The following MAD1L1 variants were observed in gnomAD, a reference collection of about 807,000 sequenced individuals.
MAD1L1 encodes the protein mitotic arrest deficient 1 like 1.
In MAD1L1, 95 loss-of-function variants were observed where a neutral mutation model predicts 96.9. The observed-to-expected ratio is 0.98, with a 90% CI of 0.83 to 1.16. The LOEUF is 1.16. MAD1L1 is among the 50% of genes most tolerant of loss of function. The pLI is 0.00. For synonymous variants in MAD1L1, 473 were observed against 396.6 expected (o/e 1.19, Z -2.29); for missense variants, 1,007 against 954.4 (o/e 1.06, Z -0.73).
chr7:2,113,137 G>A (rs1411228770), intron 11 of MAD1L1, among the ~76,000 whole-genome samples: 3 of 140,150 alleles, frequency 2.1e-5, no homozygotes, highest in African/African-American at 7.9e-5. Flanking sequence ...TCAGGAAACG[G>A]GGACGAGGGG....
At chr7:2,174,602 T>C (rs190940125) in intron 10 of MAD1L1, among the ~76,000 whole-genome samples, 18 of 152,316 alleles carry the variant, frequency 1.2e-4, no homozygotes, top group African/African-American at 4.1e-4. Flanking sequence ...TGTTTGATCT[T>C]TTTTTTCTTT....
intron 12 of MAD1L1, among the ~76,000 whole-genome samples, chr7:2,054,482 C>T (rs1784309509): frequency 6.6e-6 from 1 of 152,278 alleles, no homozygotes; most frequent in African/African-American, 2.4e-5. Context: ...AGCTCCCTCT[C>T]GGAGGGAGAG....
intron 18 of MAD1L1, chr7:1,817,449 C>G (rs1282797829): frequency 6.6e-6 from 1 of 152,256 alleles, no homozygotes; most frequent in Admixed American, 6.5e-5. Context: ...AGACACAAAA[C>G]CGGGTTTACC....
intron 11 of MAD1L1, among the ~76,000 whole-genome samples, chr7:2,071,916 CGG>C (rs1562658778): frequency 1.4e-4 from 22 of 152,306 alleles, no homozygotes; most frequent in African/African-American, 3.8e-4. Context: ...GGGGAGGGCA[CGG>C]ACGCTCTGCA....
chr7:1,959,782 A>C (rs1779875836), intron 15 of MAD1L1, among the ~76,000 whole-genome samples: 1 of 152,220 alleles, frequency 6.6e-6, no homozygotes, highest in Non-Finnish European at 1.5e-5. Flanking sequence ...CCTGCTCTAC[A>C]GAAATGTCAG....
chr7:2,100,064 TG>T (rs769657617), intron 11 of MAD1L1, among the ~76,000 whole-genome samples: 3 of 152,244 alleles, frequency 2.0e-5, no homozygotes, highest in Non-Finnish European at 4.4e-5. Flanking sequence ...CTCAGGGACA[TG>T]GGCATTTAAT....
intron 10 of MAD1L1, among the ~76,000 whole-genome samples, chr7:2,212,143 G>A (rs1171372236): frequency 6.6e-6 from 1 of 152,254 alleles, no homozygotes; most frequent in African/African-American, 2.4e-5. Flanking sequence ...CTGAGCGGCT[G>A]CTGGAGAAAG....
intron 17 of MAD1L1, among the ~76,000 whole-genome samples, chr7:1,900,316 G>A (rs1189407326): frequency 1.3e-5 from 2 of 152,234 alleles, no homozygotes; most frequent in Non-Finnish European, 2.9e-5. Context: ...AGATGTCAGG[G>A]GCTGGGAGGA....
chr7:2,209,315 G>A (rs1792768952), intron 10 of MAD1L1, among the ~76,000 whole-genome samples: 1 of 152,164 alleles, frequency 6.6e-6, no homozygotes, highest in Admixed American at 6.5e-5. Flanking sequence ...TCCAAGCCCG[G>A]GGCGAGGCCG....
intron 18 of MAD1L1, among the ~76,000 whole-genome samples, chr7:1,881,359 T>C (rs531851942): frequency 6.6e-6 from 1 of 152,226 alleles, no homozygotes; most frequent in Non-Finnish European, 1.5e-5. Flanking sequence ...CAAAAAAATT[T>C]GCAACCTCCA....
intron 12 of MAD1L1, among the ~76,000 whole-genome samples, chr7:2,055,669 CAAAAA>C (rs35707803): frequency 2.2e-4 from 20 of 90,498 alleles, no homozygotes; most frequent in Middle Eastern, 5.7e-3. Context: ...GACCCTGTCT[CAAAAA>C]AAAAAAAAAA....
At chr7:2,023,862 T>A (rs1584111067) in intron 12 of MAD1L1, among the ~76,000 whole-genome samples, 1 of 152,118 alleles carries the variant, frequency 6.6e-6, no homozygotes, top group Admixed American at 6.5e-5. Flanking sequence ...GGCAGGAGAA[T>A]CGCTTGAACC....
intron 18 of MAD1L1, among the ~76,000 whole-genome samples, chr7:1,870,179 T>C (rs1420177931): frequency 3.3e-5 from 5 of 152,072 alleles, no homozygotes; most frequent in Admixed American, 1.3e-4. Context: ...TCCGGCCTAG[T>C]TGGTGCCCAA....
At chr7:1,945,695 G>A (rs1223304019) in intron 16 of MAD1L1, among the ~76,000 whole-genome samples, 2 of 152,240 alleles carry the variant, frequency 1.3e-5, no homozygotes, top group Non-Finnish European at 2.9e-5. Context: ...GCTTTCTGGA[G>A]GAGAACGGTC....
chr7:1,851,666 C>T (rs1258885097), intron 18 of MAD1L1, among the ~76,000 whole-genome samples: 1 of 152,152 alleles, frequency 6.6e-6, no homozygotes, highest in African/African-American at 2.4e-5. Flanking sequence ...AGGAAGACGG[C>T]AGGAGGTCCA....
intron 10 of MAD1L1, among the ~76,000 whole-genome samples, chr7:2,173,295 C>G (rs1248419341): frequency 6.6e-6 from 1 of 152,158 alleles, no homozygotes; most frequent in East Asian, 1.9e-4. Flanking sequence ...TCTGTGCTCC[C>G]ACCACCCCTC....
rs568696501 is a variant in MAD1L1 at position 2,061,268 on chromosome 7, C to T, written c.1218+7926G>A. ...AGGAGAATTGCTTGAACCCGGGAGG[C>T]GGAGGTGGCAGTGAGCCAAGATTGA... is the stretch of plus-strand genomic sequence containing the variant. On this transcript the variant is annotated intron_variant, in intron 12 of 18. Transcript: ENST00000265854. 4.3e-4 allele frequency among the ~76,000 whole-genome samples: 66 copies of T among 152,258 alleles called. 1 individual carries two copies. The highest frequency in any genetic ancestry group is 7.9e-4 in the Non-Finnish European group (54 of 68,026).
At chr7:1,893,553 C>A (rs1393438233) in intron 18 of MAD1L1, among the ~76,000 whole-genome samples, 1 of 152,072 alleles carries the variant, frequency 6.6e-6, no homozygotes, top group East Asian at 1.9e-4. Flanking sequence ...GGGCAGGGGG[C>A]CTGTCTCCCT....
intron 12 of MAD1L1, among the ~76,000 whole-genome samples, chr7:2,062,665 G>T (rs1295891366): frequency 1.3e-5 from 2 of 152,168 alleles, no homozygotes; most frequent in Non-Finnish European, 2.9e-5. Context: ...TCTTGCTGGG[G>T]TTGCTAACTA....
Sources: gnomAD v4.1 joint callset for allele counts (sites outside exome capture counted in the v4.1 genomes callset) on GRCh38, gnomAD v4.1.1 for gene constraint, MANE v1.5 for transcripts, NCBI Gene and HGNC (gene_info 2026-07-23, HGNC 2026-07-21) for gene names.